The following ORC4 variants were observed in gnomAD, a reference collection of about 807,000 sequenced individuals.
The protein encoded by ORC4 is origin recognition complex, subunit 4 homolog.
A neutral mutation model predicts 63.9 loss-of-function variants in ORC4; 55 were observed. That is an observed-to-expected ratio of 0.86 (90% CI 0.69 to 1.08). ORC4 has a LOEUF of 1.08. Ranked by LOEUF, ORC4 falls within the 50% of genes least tolerant of loss-of-function variation. ORC4 has a pLI of 0.00. For missense variants in ORC4, 511 were observed against 504.4 expected (o/e 1.01, Z -0.13); for synonymous variants, 150 against 168.5 (o/e 0.89, Z 0.85).
At chr2:147,952,191 G>C (rs1295830620) in intron 8 of ORC4, among the ~76,000 whole-genome samples, 182 bp downstream of exon 8, 1 of 152,042 alleles carries the variant, frequency 6.6e-6, no homozygotes, top group Admixed American at 6.5e-5. Flanking sequence ...TCATTAATGG[G>C]CTAAGGTAAC....
rs1423505924 is a variant in ORC4 at position 147,933,514 on chromosome 2, T to C, written c.*1996A>G. 1 of 152,106 alleles carries C rather than the reference T, an allele frequency of 6.6e-6. No homozygotes were observed. Among genetic ancestry groups the C allele is most frequent in the African/African-American group, 2.4e-5 (1 of 41,432 alleles). 9.4% of individuals were successfully genotyped at this position (152,106 alleles called of 1,614,324 possible). A position where few individuals can be genotyped will look rare whatever the true frequency, so the allele number is the denominator to read the frequency against. ...TGTTTACCTCAATTGGTACTTAGTC[T>C]TAAAATCTTTCTTTATACTTGGTTA... is the stretch of plus-strand genomic sequence containing the variant. On this transcript the variant is annotated 3_prime_UTR_variant, in exon 14 of 14. Transcript: ENST00000392857.
chr2:147,991,568 C>T lies in ORC4; in HGVS notation c.-17-15593G>A, dbSNP rs910267198. Among the ~76,000 whole-genome samples the T allele has an allele frequency of 2.0e-5, 3 of 152,026 alleles. No homozygotes were observed. The East Asian group carries it at 5.8e-4, about 29-fold the overall frequency. On this transcript the variant is annotated intron_variant, in intron 1 of 13. Coordinates refer to ENST00000392857, the MANE Select transcript of ORC4 (RefSeq NM_181741.4). ...AGTTGGCCGGGCATGGTGGCTCACA[C>T]CTGTAATCCCAGCACTTTGGGAGGC... is the stretch of plus-strand genomic sequence containing the variant.
At chr2:148,003,229 A>G (rs1410467721) in intron 1 of ORC4, among the ~76,000 whole-genome samples, 4 of 152,206 alleles carry the variant, frequency 2.6e-5, no homozygotes, top group African/African-American at 7.2e-5. Flanking sequence ...TCCAAATAAA[A>G]GAAAAAGAGG....
intron 6 of ORC4, 117 bp from the exon 7 acceptor site, chr2:147,955,512 T>C: frequency 1.4e-6 from 1 of 718,762 alleles, no homozygotes; most frequent in African/African-American, 1.8e-5. Flanking sequence ...ATTAGAGTCA[T>C]TGCCCAGACT....
intron 1 of ORC4, among the ~76,000 whole-genome samples, chr2:147,976,903 T>C (rs1030503870): frequency 6.8e-6 from 1 of 148,084 alleles, no homozygotes; most frequent in Non-Finnish European, 1.5e-5. Context: ...ATTATATTTT[T>C]TGTAAAATTC....
intron 1 of ORC4, among the ~76,000 whole-genome samples, chr2:147,977,050 AG>A (rs1690599755): frequency 6.6e-6 from 1 of 152,224 alleles, no homozygotes; most frequent in African/African-American, 2.4e-5. Flanking sequence ...TTTAGGTATC[AG>A]GAATTGTTAC....
intron 8 of ORC4, 133 bp from the exon 9 acceptor site, chr2:147,948,357 A>C: frequency 1.7e-6 from 1 of 596,570 alleles, no homozygotes; most frequent in Non-Finnish European, 2.9e-6. Flanking sequence ...ACATAATTAA[A>C]CATTTAAAAC....
intron 1 of ORC4, among the ~76,000 whole-genome samples, chr2:148,003,435 C>A (rs1191289274): frequency 6.6e-6 from 1 of 152,160 alleles, no homozygotes; most frequent in African/African-American, 2.4e-5. Context: ...GGCTTCATCC[C>A]TGGGATGCAA....
intron 1 of ORC4, among the ~76,000 whole-genome samples, chr2:147,992,874 C>T (rs1691706743): frequency 6.6e-6 from 1 of 152,164 alleles, no homozygotes; most frequent in African/African-American, 2.4e-5. Flanking sequence ...TCCCCAAAGC[C>T]AGCCACAGAA....
chr2:148,021,314 C>T, upstream of ORC4: 1 of 396,994 alleles, frequency 2.5e-6, no homozygotes, highest in Non-Finnish European at 5.0e-6. Flanking sequence ...GAAGGAGTTT[C>T]TTCTTCTTCG....
chr2:148,018,712 G>C (rs74345761), intron 1 of ORC4, among the ~76,000 whole-genome samples: 1,850 of 152,230 alleles, frequency 0.012, 45 homozygotes, highest in African/African-American at 0.042. Flanking sequence ...ATACAATTAA[G>C]AAACAGGCAA....
Position 147,972,670 on chromosome 2 carries a change from A to G in ORC4, c.225+69T>C, listed in dbSNP as rs17219022. ...TACATAAAATAAGATTTATATATGA[A>G]TTTATTTATTCTTATATAAAATAAG... On this transcript the variant is annotated intron_variant, in intron 4 of 13. Transcript: ENST00000392857. 3.7e-3 allele frequency: 2,808 copies of G among 749,634 alleles called. 19 individuals are homozygous for G. Among genetic ancestry groups the G allele is most frequent in the Non-Finnish European group, 5.6e-3 (2,576 of 462,936 alleles). The allele number at this position is 749,634 out of a possible 1,614,324, so 46.4% of individuals were successfully genotyped here.
chr2:147,987,966 T>C (rs1427853641), intron 1 of ORC4, among the ~76,000 whole-genome samples: 1 of 149,228 alleles, frequency 6.7e-6, no homozygotes, highest in African/African-American at 2.5e-5. Flanking sequence ...GGCAGGAGAA[T>C]GGTGTGAACC....
At chr2:147,969,906 G>A (rs990056688) in intron 4 of ORC4, among the ~76,000 whole-genome samples, 1 of 151,790 alleles carries the variant, frequency 6.6e-6, no homozygotes, top group Non-Finnish European at 1.5e-5. Flanking sequence ...AGATAGGGAA[G>A]GAATAATTAA....
At position 147,930,662 on chromosome 2, in the gene ORC4, C is replaced by T. The variant is rs1291084686; in HGVS notation, c.*4848G>A. 6.6e-6 allele frequency: 1 copy of T among 152,290 alleles called. No homozygotes were observed. The highest frequency in any genetic ancestry group is 2.4e-5 in the African/African-American group (1 of 41,384). The allele number at this position is 152,290 out of a possible 1,614,324, so 9.4% of individuals were successfully genotyped here. A position where few individuals can be genotyped will look rare whatever the true frequency, so the allele number is the denominator to read the frequency against. Reference sequence around the variant, plus strand: ...TGTGTTTTGGGCACAGGTTATTGTACTACTGTCAAATCGTACTTGCTATTT... The same window carrying T: ...TGTGTTTTGGGCACAGGTTATTGTATTACTGTCAAATCGTACTTGCTATTT... On this transcript the variant is annotated 3_prime_UTR_variant, in exon 14 of 14. Coordinates refer to ENST00000392857, the MANE Select transcript of ORC4 (RefSeq NM_181741.4).
intron 1 of ORC4, among the ~76,000 whole-genome samples, chr2:147,997,919 A>C (rs923550894): frequency 6.6e-6 from 1 of 152,220 alleles, no homozygotes; most frequent in Non-Finnish European, 1.5e-5. Flanking sequence ...ATGTGTTTTA[A>C]CATAAAATTT....
intron 9 of ORC4, among the ~76,000 whole-genome samples, chr2:147,944,252 C>T (rs1390117093): frequency 2.0e-5 from 3 of 151,840 alleles, no homozygotes; most frequent in Non-Finnish European, 4.4e-5. Context: ...ACAAAATGGC[C>T]TGTGAAAAGT....
At position 147,995,769 on chromosome 2, in the gene ORC4, GAACA is replaced by G. The variant is rs577953938; in HGVS notation, c.-17-19798_-17-19795del. On this transcript the variant is annotated intron_variant, in intron 1 of 13. Coordinates refer to ENST00000392857, the MANE Select transcript of ORC4 (RefSeq NM_181741.4). ...AAACTCCGGACACATCTGAACATCT[GAACA>G]AACAAACTCCAGACACACCATCTTT... Among the ~76,000 whole-genome samples, 199 of 151,598 alleles carry G rather than the reference GAACA, an allele frequency of 1.3e-3. 1 individual carries two copies. The highest frequency in any genetic ancestry group is 4.0e-3 in the South Asian group (19 of 4,800).
chr2:148,001,585 G>A (rs969222522), intron 1 of ORC4, among the ~76,000 whole-genome samples: 1 of 152,160 alleles, frequency 6.6e-6, no homozygotes, highest in Non-Finnish European at 1.5e-5. Flanking sequence ...CACCAGGCCT[G>A]CCTTACAAGA....
Sources: gnomAD v4.1 joint callset for allele counts (sites outside exome capture counted in the v4.1 genomes callset) on GRCh38, gnomAD v4.1.1 for gene constraint, MANE v1.5 for transcripts, NCBI Gene and HGNC (gene_info 2026-07-23, HGNC 2026-07-21) for gene names.